The following RBFOX1 variants were observed in gnomAD, a reference collection of about 807,000 sequenced individuals.
RBFOX1 encodes the protein RNA binding protein fox-1 homolog 1.
Under a neutral mutation model 57.7 loss-of-function variants are expected in RBFOX1, and 8 were observed. That is an observed-to-expected ratio of 0.14 (90% CI 0.08 to 0.25). The LOEUF is 0.25. Ranked by LOEUF, RBFOX1 falls within the 10% of genes least tolerant of loss-of-function variation. The probability of loss-of-function intolerance (pLI) is 1.00; values close to 1 mark genes in which losing one functional copy is unlikely to be tolerated. For missense variants in RBFOX1, 611 were observed against 548.5 expected (o/e 1.11, Z -1.14); for synonymous variants, 326 against 222.4 (o/e 1.47, Z -4.15).
chr16:7,342,389 C>G (rs941187881), intron 4 of RBFOX1, among the ~76,000 whole-genome samples: 1 of 152,178 alleles, frequency 6.6e-6, no homozygotes, highest in African/African-American at 2.4e-5. Context: ...CTTCAGCTCT[C>G]TGAGCACCCA....
At chr16:6,513,394 C>T (rs1280016111) in intron 2 of RBFOX1, among the ~76,000 whole-genome samples, 3 of 152,042 alleles carry the variant, frequency 2.0e-5, no homozygotes, top group Non-Finnish European at 2.9e-5. Context: ...TCAAACTTTT[C>T]AGGGGAAGAG....
chr16:5,800,869 G>T (rs1232497869), intron 3 of RBFOX1, among the ~76,000 whole-genome samples: 1 of 152,076 alleles, frequency 6.6e-6, no homozygotes, highest in Non-Finnish European at 1.5e-5. Context: ...ACGGGAGGCG[G>T]TCCTAGGGCA....
intron 4 of RBFOX1, among the ~76,000 whole-genome samples, chr16:7,405,885 C>G (rs547692570): frequency 2.4e-4 from 37 of 152,282 alleles, no homozygotes; most frequent in African/African-American, 8.7e-4. Context: ...AGTTGTGGCT[C>G]TGTGTCCCCA....
chr16:6,637,024 C>T (rs1602234872), intron 2 of RBFOX1, among the ~76,000 whole-genome samples: 1 of 107,364 alleles, frequency 9.3e-6, no homozygotes, highest in African/African-American at 3.8e-5. Flanking sequence ...TGTGTATAAA[C>T]ATTTATATGG....
At chr16:6,249,309 G>A (rs948611777) in intron 1 of RBFOX1, among the ~76,000 whole-genome samples, 1 of 152,218 alleles carries the variant, frequency 6.6e-6, no homozygotes, top group Non-Finnish European at 1.5e-5. Flanking sequence ...GATGGATCAC[G>A]AGGTCAGGAG....
At chr16:5,552,984 G>A (rs978759127) in intron 2 of RBFOX1, among the ~76,000 whole-genome samples, 1 of 152,094 alleles carries the variant, frequency 6.6e-6, no homozygotes, top group Non-Finnish European at 1.5e-5. Flanking sequence ...CCTTTACAGG[G>A]ACATGGATGA....
At chr16:5,271,973 G>A (rs909965071) in intron 1 of RBFOX1, among the ~76,000 whole-genome samples, 2 of 152,156 alleles carry the variant, frequency 1.3e-5, no homozygotes, top group African/African-American at 4.8e-5. Context: ...TGTGTATATA[G>A]TACATTTTCT....
chr16:6,984,381 A>C (rs4786956), intron 3 of RBFOX1, among the ~76,000 whole-genome samples: 10 of 152,004 alleles, frequency 6.6e-5, no homozygotes, highest in African/African-American at 1.7e-4. Context: ...CCTACATCCT[A>C]CAGCACTACT....
At chr16:6,466,256 A>T (rs904430029) in intron 2 of RBFOX1, among the ~76,000 whole-genome samples, 7 of 151,700 alleles carry the variant, frequency 4.6e-5, no homozygotes, top group African/African-American at 1.7e-4. Context: ...ATTAAGGATT[A>T]AAAAAAATTG....
At chr16:5,610,106 C>G (rs1269983975) in intron 3 of RBFOX1, among the ~76,000 whole-genome samples, 2 of 152,304 alleles carry the variant, frequency 1.3e-5, no homozygotes, top group Middle Eastern at 6.8e-3. Flanking sequence ...GCTGTACCTC[C>G]TGCCACTGGG....
At chr16:6,935,199 A>G (rs1015264101) in intron 3 of RBFOX1, among the ~76,000 whole-genome samples, 1 of 152,220 alleles carries the variant, frequency 6.6e-6, no homozygotes, top group African/African-American at 2.4e-5. Context: ...ATAATAATAC[A>G]TAGCTCAGAG....
intron 11 of RBFOX1, among the ~76,000 whole-genome samples, chr16:7,648,678 G>T (rs985992): frequency 0.57 from 86,706 of 151,940 alleles, 25,260 homozygotes; most frequent in East Asian, 0.93. Flanking sequence ...CAGAGAGCAT[G>T]GTCTGGGGCT....
Position 7,156,698 on chromosome 16 carries a change from A to G in RBFOX1, c.27+104600A>G, listed in dbSNP as rs187695599. On this transcript the variant is annotated intron_variant, in intron 4 of 15. Coordinates refer to ENST00000550418, the MANE Select transcript of RBFOX1 (RefSeq NM_018723.4). ...TAGTAGTTCTATAGTATTCCCTTCTATGAGTGAGACATTTAATGGATTCCT... is the reference window on the plus strand; with the variant it reads ...TAGTAGTTCTATAGTATTCCCTTCTGTGAGTGAGACATTTAATGGATTCCT... Among the ~76,000 whole-genome samples, 87 of 152,242 alleles carry G rather than the reference A, an allele frequency of 5.7e-4. No individual in the cohort carries two copies. In the East Asian group the frequency reaches 7.9e-3, roughly 14 times the overall value.
intron 3 of RBFOX1, among the ~76,000 whole-genome samples, chr16:5,753,935 C>A (rs1022276692): frequency 6.6e-6 from 1 of 152,076 alleles, no homozygotes; most frequent in Non-Finnish European, 1.5e-5. Flanking sequence ...GTCCATCCCC[C>A]ACTCCTCTCT....
At chr16:7,102,672 C>G (rs1489362737) in intron 4 of RBFOX1, among the ~76,000 whole-genome samples, 2 of 152,116 alleles carry the variant, frequency 1.3e-5, no homozygotes, top group African/African-American at 2.4e-5. Context: ...ACATTTCTCG[C>G]TAATCTTGCA....
At chr16:7,314,558 T>C (rs545646554) in intron 4 of RBFOX1, among the ~76,000 whole-genome samples, 5 of 152,216 alleles carry the variant, frequency 3.3e-5, no homozygotes, top group Non-Finnish European at 7.3e-5. Context: ...CGATCTGTCT[T>C]AGGTGTTTCA....
chr16:5,984,930 G>T (rs1368008462), intron 4 of RBFOX1, among the ~76,000 whole-genome samples: 2 of 132,086 alleles, frequency 1.5e-5, no homozygotes, highest in African/African-American at 3.0e-5. Context: ...TGGTACACCT[G>T]TATAGGGCAA....
chr16:5,275,381 G>T lies in RBFOX1; in HGVS notation c.219+35276G>T, dbSNP rs184417460. Reference sequence around the variant, plus strand: ...ATACAAAATCTATGTACACAAATCAGTAGCAGTGCTATACACCAACAGCAA... The same window carrying T: ...ATACAAAATCTATGTACACAAATCATTAGCAGTGCTATACACCAACAGCAA... On this transcript the variant is annotated intron_variant, in intron 1 of 2. Coordinates refer to the RBFOX1 transcript ENST00000585867. Among the ~76,000 whole-genome samples, 364 of 152,258 alleles carry T rather than the reference G, an allele frequency of 2.4e-3. 5 individuals carry two copies. The highest frequency in any genetic ancestry group is 0.012 in the South Asian group (60 of 4,826).
chr16:7,095,230 A>G (rs943448977), intron 4 of RBFOX1, among the ~76,000 whole-genome samples: 1 of 152,032 alleles, frequency 6.6e-6, no homozygotes, highest in African/African-American at 2.4e-5. Context: ...TCCGCCTCCC[A>G]GGTTCAAACG....
Sources: gnomAD v4.1 joint callset for allele counts (sites outside exome capture counted in the v4.1 genomes callset) on GRCh38, gnomAD v4.1.1 for gene constraint, MANE v1.5 for transcripts, NCBI Gene and HGNC (gene_info 2026-07-23, HGNC 2026-07-21) for gene names.